The following NTRK3 variants were observed in gnomAD, a reference collection of about 807,000 sequenced individuals.
NTRK3 encodes NT-3 growth factor receptor.
NTRK3 carries 24 observed loss-of-function variants against 91.7 expected under a neutral mutation model. The observed-to-expected ratio is 0.26, with a 90% CI of 0.19 to 0.37. The LOEUF is 0.37. Ranked by LOEUF, NTRK3 falls within the 10% of genes least tolerant of loss-of-function variation. The pLI, the probability that NTRK3 is intolerant of heterozygous loss-of-function variation, is 1.00. For missense variants in NTRK3, 880 were observed against 1,068.9 expected (o/e 0.82, Z 2.46); for synonymous variants, 483 against 404.0 (o/e 1.20, Z -2.34).
intron 13 of NTRK3, among the ~76,000 whole-genome samples, chr15:88,076,792 G>A (rs2047587129): frequency 6.6e-6 from 1 of 152,040 alleles, no homozygotes. Flanking sequence ...GGGAACCACA[G>A]GTTTTAAAAC....
chr15:87,889,226 G>A (rs2065719840), intron 17 of NTRK3, among the ~76,000 whole-genome samples: 2 of 151,912 alleles, frequency 1.3e-5, no homozygotes. Context: ...CACCTCCCAG[G>A]GCTGTTTGCC....
chr15:88,175,915 G>A (rs1264544352), intron 5 of NTRK3, among the ~76,000 whole-genome samples: 1 of 152,156 alleles, frequency 6.6e-6, no homozygotes, highest in East Asian at 1.9e-4. Context: ...AATTAGTGAT[G>A]AGGGTGGGTT....
chr15:87,925,141 G>A (rs957723644), intron 17 of NTRK3, among the ~76,000 whole-genome samples: 3 of 152,188 alleles, frequency 2.0e-5, no homozygotes, highest in Admixed American at 2.0e-4. Context: ...TTGAGTCAGT[G>A]ATTCACAGAA....
At chr15:88,136,360 A>ATG (rs2041876499) in intron 8 of NTRK3, 107 bp downstream of exon 8, 2 of 1,378,548 alleles carry the variant, frequency 1.5e-6, no homozygotes, top group Admixed American at 3.4e-5. Flanking sequence ...ACCCAAGTCT[A>ATG]TGTGTTTTTT....
chr15:88,177,701 T>C (rs1488405745), intron 5 of NTRK3, among the ~76,000 whole-genome samples: 1 of 152,158 alleles, frequency 6.6e-6, no homozygotes, highest in African/African-American at 2.4e-5. Context: ...CAGTTTGATA[T>C]AGGAAACTAA....
intron 14 of NTRK3, among the ~76,000 whole-genome samples, chr15:87,970,581 T>C (rs1433414092): frequency 2.0e-5 from 3 of 152,206 alleles, no homozygotes; most frequent in Non-Finnish European, 4.4e-5. Context: ...TTGTGTTTAA[T>C]TAGAATTGGA....
At chr15:88,106,887 C>T (rs950005688) in intron 13 of NTRK3, among the ~76,000 whole-genome samples, 2 of 150,888 alleles carry the variant, frequency 1.3e-5, no homozygotes, top group Non-Finnish European at 1.5e-5. Context: ...GAGCTGAGAT[C>T]GCACCACTGC....
At chr15:87,975,831 C>T (rs1248150512) in intron 14 of NTRK3, among the ~76,000 whole-genome samples, 1 of 152,150 alleles carries the variant, frequency 6.6e-6, no homozygotes, top group Non-Finnish European at 1.5e-5. Flanking sequence ...CAGCACAAGG[C>T]CTTGCCTCAT....
At chr15:87,905,912 A>G (rs547790756) in intron 17 of NTRK3, among the ~76,000 whole-genome samples, 4 of 152,188 alleles carry the variant, frequency 2.6e-5, no homozygotes, top group African/African-American at 9.7e-5. Flanking sequence ...CAACACTCAA[A>G]AAACAAAGCA....
intron 17 of NTRK3, among the ~76,000 whole-genome samples, chr15:87,914,322 A>G (rs1278070700): frequency 1.3e-5 from 2 of 152,170 alleles, no homozygotes; most frequent in African/African-American, 4.8e-5. Context: ...CTGCACTGAT[A>G]AGCAGATGTC....
chr15:87,866,902 G>A, exon 19 of NTRK3: 1 of 212,256 alleles, frequency 4.7e-6, no homozygotes, highest in Non-Finnish European at 9.5e-6. Flanking sequence ...GCTGACATGT[G>A]GAACTCCTCA....
chr15:88,063,918 G>C (rs1301038865), intron 13 of NTRK3, among the ~76,000 whole-genome samples: 1 of 152,198 alleles, frequency 6.6e-6, no homozygotes, highest in Non-Finnish European at 1.5e-5. Flanking sequence ...AGTGTCTTCT[G>C]CTCCCAAAAG....
chr15:88,055,999 T>C (rs2045639675), intron 13 of NTRK3, among the ~76,000 whole-genome samples: 1 of 151,916 alleles, frequency 6.6e-6, no homozygotes, highest in Non-Finnish European at 1.5e-5. Context: ...AGCAGGATAG[T>C]ACTGCATGTA....
chr15:88,037,609 G>A (rs1383690536), intron 13 of NTRK3, among the ~76,000 whole-genome samples: 1 of 152,110 alleles, frequency 6.6e-6, no homozygotes, highest in African/African-American at 2.4e-5. Flanking sequence ...GTGTCTAGAA[G>A]TTCAAGAGAC....
At chr15:88,225,262 C>T (rs1042887402) in intron 3 of NTRK3, among the ~76,000 whole-genome samples, 2 of 152,116 alleles carry the variant, frequency 1.3e-5, no homozygotes, top group Non-Finnish European at 2.9e-5. Context: ...CGGGGTTTTG[C>T]TTGAGTGAGA....
rs1426276004 is a variant in NTRK3 at position 88,255,142 on chromosome 15, C to A, written c.248+764G>T. 1.3e-5 allele frequency among the ~76,000 whole-genome samples: 2 copies of A among 152,180 alleles called. No homozygotes were observed. The highest frequency in any genetic ancestry group is 2.9e-5 in the Non-Finnish European group (2 of 68,038). ...CCTCTCCTCAAAACACACGCCCTCTCCTCTCCCTGCGCCATCCTGACTCGG... is the reference window on the plus strand; with the variant it reads ...CCTCTCCTCAAAACACACGCCCTCTACTCTCCCTGCGCCATCCTGACTCGG... On this transcript the variant is annotated intron_variant, in intron 3 of 18. Coordinates refer to ENST00000394480, the Ensembl canonical transcript of NTRK3. The surrounding 1 kb of genome is among the most constrained non-coding windows in gnomAD (Gnocchi z 4.3).
At chr15:88,008,362 C>T (rs182591812) in intron 14 of NTRK3, among the ~76,000 whole-genome samples, 54 of 152,222 alleles carry the variant, frequency 3.5e-4, no homozygotes, top group African/African-American at 1.2e-3. Context: ...TCAGTTTCCT[C>T]ATCTGTAAAG....
At chr15:88,136,548 A>G in exon 8 of NTRK3, 1 of 1,614,004 alleles carries the variant, frequency 6.2e-7, no homozygotes, top group Non-Finnish European at 8.5e-7. Flanking sequence ...TGCAAGTGAT[A>G]ACAGCGTTGT....
chr15:88,042,796 T>G (rs930874860), intron 13 of NTRK3, among the ~76,000 whole-genome samples: 1 of 152,158 alleles, frequency 6.6e-6, no homozygotes, highest in Non-Finnish European at 1.5e-5. Context: ...TCCCCAGTGA[T>G]GTAGTTGAGG....
Sources: allele counts gnomAD v4.1 joint callset (sites outside exome capture counted in the v4.1 genomes callset), GRCh38; gene constraint gnomAD v4.1.1; non-coding constraint Gnocchi (gnomAD v3.1); transcripts MANE v1.5; gene names NCBI Gene and HGNC (gene_info 2026-07-23, HGNC 2026-07-21).